The following ABL2 variants were observed in gnomAD, a reference collection of about 807,000 sequenced individuals.
The protein encoded by ABL2 is tyrosine-protein kinase ABL2.
In ABL2, 49 loss-of-function variants were observed where a neutral mutation model predicts 107.7. The ratio of observed to expected loss-of-function variants is 0.45; its 90% CI spans 0.36 to 0.58. The LOEUF (loss-of-function observed/expected upper bound fraction) is 0.58. Ranked by LOEUF, ABL2 falls within the 20% of genes least tolerant of loss-of-function variation. The pLI, the probability that ABL2 is intolerant of heterozygous loss-of-function variation, is 0.00. For synonymous variants in ABL2, 549 were observed against 548.6 expected (o/e 1.00, Z -0.01); for missense variants, 1,245 against 1,457.0 (o/e 0.85, Z 2.37).
chr1:179,166,302 G>A (rs1000399031), intron 1 of ABL2, among the ~76,000 whole-genome samples: 1 of 150,714 alleles, frequency 6.6e-6, no homozygotes, highest in Non-Finnish European at 1.5e-5. Flanking sequence ...CAAGAGTTAA[G>A]TGACAACCTG....
intron 1 of ABL2, among the ~76,000 whole-genome samples, chr1:179,134,400 T>C (rs542005981): frequency 6.6e-6 from 1 of 152,092 alleles, no homozygotes; most frequent in East Asian, 1.9e-4. Flanking sequence ...ATACAAAAAT[T>C]GGGCGAGGAG....
At chr1:179,184,892 T>C (rs568928733) in intron 1 of ABL2, among the ~76,000 whole-genome samples, 10 of 152,270 alleles carry the variant, frequency 6.6e-5, no homozygotes, top group African/African-American at 2.4e-4. Context: ...CTCTACCCCT[T>C]TCTGTTCCAA....
chr1:179,191,622 G>A (rs745335506), intron 1 of ABL2, among the ~76,000 whole-genome samples: 28 of 151,692 alleles, frequency 1.8e-4, no homozygotes, highest in Middle Eastern at 3.4e-3. Context: ...GGGTTTCACC[G>A]TGTTGTCCAG....
Position 179,108,593 on chromosome 1 carries a change from C to T in ABL2, c.2674G>A (p.Glu892Lys). 6.2e-7 allele frequency: 1 copy of T among 1,614,072 alleles called. No individual in the cohort carries two copies. The highest frequency in any genetic ancestry group is 8.5e-7 in the Non-Finnish European group (1 of 1,179,986). Residue 892 changes from glutamate to lysine, a missense_variant, in exon 12 of 12, where the codon GAG (glutamate) becomes AAG (lysine). Glu to Lys is a moderately conservative substitution (Grantham distance 56). This residue lies in a region of ABL2 where 761 missense variants were observed against 766.4 expected (regional missense o/e 0.99). Transcript: ENST00000502732. ...CCAAGTCGTGCCCCACCATTCTTCT[C>T]TTTACCCTTGGGGGCAGCTGCCACT... Reference protein sequence around the residue: ...AGVAAAPKGKEKNGGARLGMA... With the variant: ...AGVAAAPKGKKKNGGARLGMA...
At chr1:179,203,280 G>GAAGGAA (rs1161732376) in intron 1 of ABL2, among the ~76,000 whole-genome samples, 1 of 152,168 alleles carries the variant, frequency 6.6e-6, no homozygotes, top group Admixed American at 6.5e-5. Flanking sequence ...CACAAAGAAT[G>GAAGGAA]AAGGTTTTCC....
At chr1:179,191,063 C>T (rs1243274730) in intron 1 of ABL2, among the ~76,000 whole-genome samples, 1 of 152,162 alleles carries the variant, frequency 6.6e-6, no homozygotes, top group Non-Finnish European at 1.5e-5. Context: ...GGAAGCCACT[C>T]CCAGTTCTCT....
intron 6 of ABL2, among the ~76,000 whole-genome samples, chr1:179,119,427 C>T (rs1336302500): frequency 1.3e-5 from 2 of 151,700 alleles, no homozygotes; most frequent in African/African-American, 4.8e-5. Context: ...ACGAGAATAG[C>T]TTGAACCTGG....
chr1:179,229,204 C>CCCCCCCCCCCCCCCCCCCA, intron 1 of ABL2, 37 bp downstream of exon 1: 1 of 1,448,286 alleles, frequency 6.9e-7, no homozygotes. Context: ...CCCCCGGCCT[C>CCCCCCCCCCCCCCCCCCCA]CCCCACGCTC....
At chr1:179,213,409 TC>T (rs1662396270) in intron 1 of ABL2, among the ~76,000 whole-genome samples, 1 of 152,124 alleles carries the variant, frequency 6.6e-6, no homozygotes, top group Non-Finnish European at 1.5e-5. Context: ...GCTCAAGCTA[TC>T]CTCCCGCCTC....
At chr1:179,164,256 A>G (rs1659253180) in intron 1 of ABL2, among the ~76,000 whole-genome samples, 1 of 152,238 alleles carries the variant, frequency 6.6e-6, no homozygotes, top group African/African-American at 2.4e-5. Flanking sequence ...CATGCCAGTT[A>G]TATGTAAATA....
At chr1:179,132,687 C>T (rs1656459691) in intron 2 of ABL2, among the ~76,000 whole-genome samples, 1 of 151,358 alleles carries the variant, frequency 6.6e-6, no homozygotes. Context: ...TTACAGGCGC[C>T]TGCCACCATA....
chr1:179,103,368 A>C lies in ABL2; in HGVS notation c.*4350T>G, dbSNP rs1019920397. The C allele has an allele frequency of 1.5e-5, 3 of 205,092 alleles. No individual in the cohort carries two copies. The highest frequency in any genetic ancestry group is 6.9e-5 in the African/African-American group (3 of 43,772). 12.7% of individuals were successfully genotyped at this position (205,092 alleles called of 1,614,324 possible). On this transcript the variant is annotated 3_prime_UTR_variant, in exon 12 of 12. Coordinates refer to ENST00000502732, the MANE Select transcript of ABL2 (RefSeq NM_007314.4). ...CATTGAATCAACTGTCTTATCTTTTAAACAGACAATACTACAACCTTATAG... is the reference window on the plus strand; with the variant it reads ...CATTGAATCAACTGTCTTATCTTTTCAACAGACAATACTACAACCTTATAG...
rs572438530 is a variant in ABL2 at position 179,178,401 on chromosome 1, C to CAAAAAAAAA, written c.158-45036_158-45028dup. On this transcript the variant is annotated intron_variant, in intron 1 of 11. Coordinates refer to ENST00000502732, the MANE Select transcript of ABL2 (RefSeq NM_007314.4). Reference sequence around the variant, plus strand: ...TGGGTGACAGAGCAAGACTCTGCCTCAAAAAAAAAAAAAAAAAAATTATTT... The same window carrying CAAAAAAAAA: ...TGGGTGACAGAGCAAGACTCTGCCTCAAAAAAAAAAAAAAAAAAAAAAAAAAAATTATTT... Among the ~76,000 whole-genome samples the CAAAAAAAAA allele has an allele frequency of 5.1e-4, 35 of 68,632 alleles. 2 individuals carry two copies. Among genetic ancestry groups the CAAAAAAAAA allele is most frequent in the Non-Finnish European group, 6.0e-4 (21 of 35,214 alleles). The allele number at this position is 68,632 out of a possible 152,430, so 45.0% of individuals were successfully genotyped here.
At chr1:179,148,809 A>T (rs1035702451) in intron 1 of ABL2, among the ~76,000 whole-genome samples, 28 of 151,582 alleles carry the variant, frequency 1.8e-4, no homozygotes, top group African/African-American at 6.5e-4. Flanking sequence ...CTGAGGCAGT[A>T]GAATTGCTTG....
intron 1 of ABL2, among the ~76,000 whole-genome samples, chr1:179,158,174 T>G (rs952105268): frequency 6.6e-6 from 1 of 151,996 alleles, no homozygotes; most frequent in Non-Finnish European, 1.5e-5. Context: ...CAGGAAAGAA[T>G]AGGCAAAAGG....
rs1263303087 is a variant in ABL2 at position 179,126,499 on chromosome 1, T to C, written c.565A>G (p.Ser189Gly). ...SRSAAEYLLS[S>G]LINGSFLVRE... ...ACCAGGAAGCTGCCATTGATTAGAC[T>C]GCTGAGCAGATACTCAGCTGCACTG... is the stretch of plus-strand genomic sequence containing the variant. The change falls in exon 4 of 12, where the codon AGT (serine) becomes GGT (glycine). Residue 189 changes from serine to glycine, a missense_variant. Transcript: ENST00000502732. The surrounding 1 kb of genome is among the most constrained non-coding windows in gnomAD (Gnocchi z 4.4). 1 of 1,614,194 alleles carries C rather than the reference T, an allele frequency of 6.2e-7. No homozygotes were observed. Among genetic ancestry groups the C allele is most frequent in the East Asian group, 2.2e-5 (1 of 44,882 alleles).
At chr1:179,199,180 G>A (rs1211200101) in intron 1 of ABL2, among the ~76,000 whole-genome samples, 1 of 152,226 alleles carries the variant, frequency 6.6e-6, no homozygotes, top group Middle Eastern at 3.4e-3. Flanking sequence ...TTGTGATGAG[G>A]GAATGAGGTT....
intron 8 of ABL2, 152 bp downstream of exon 8, chr1:179,117,180 G>A (rs2102610547): frequency 3.9e-6 from 3 of 778,236 alleles, no homozygotes; most frequent in Non-Finnish European, 6.2e-6. Flanking sequence ...CTGGCAGATA[G>A]GAGGTATTTA....
chr1:179,132,557 G>T (rs1196775774), intron 2 of ABL2, among the ~76,000 whole-genome samples: 1 of 151,742 alleles, frequency 6.6e-6, no homozygotes, highest in Non-Finnish European at 1.5e-5. Context: ...ATTATTTTGA[G>T]ATGGAGTTTC....
Sources: allele counts gnomAD v4.1 joint callset (sites outside exome capture counted in the v4.1 genomes callset), GRCh38; gene constraint gnomAD v4.1.1; regional missense constraint gnomAD v4.1.1; non-coding constraint Gnocchi (gnomAD v3.1); transcripts MANE v1.5; gene names NCBI Gene and HGNC (gene_info 2026-07-23, HGNC 2026-07-21).